The following CADPS2 variants were observed in gnomAD, a reference collection of about 807,000 sequenced individuals.
The protein encoded by CADPS2 is calcium-dependent secretion activator 2.
CADPS2 carries 93 observed loss-of-function variants against 172.5 expected under a neutral mutation model. The ratio of observed to expected loss-of-function variants is 0.54; its 90% CI spans 0.46 to 0.64. The LOEUF (loss-of-function observed/expected upper bound fraction) is 0.64, where lower values mean the gene tolerates loss of function less well. CADPS2 is among the 30% of genes least tolerant of loss of function. CADPS2 has a pLI of 0.00. For missense variants in CADPS2, 1,420 were observed against 1,565.9 expected (o/e 0.91, Z 1.57); for synonymous variants, 546 against 555.2 (o/e 0.98, Z 0.23).
In CADPS2 at chr7:122,441,595, A is replaced by T; in HGVS notation, c.2289-20T>A. Reference sequence around the variant, plus strand: ...CAGTATCTTTAAAAACAAAAGAAAGAACAAAAGAGTCAAACATTTAATACC... The same window carrying T: ...CAGTATCTTTAAAAACAAAAGAAAGTACAAAAGAGTCAAACATTTAATACC... On this transcript the variant is annotated intron_variant, in intron 15 of 29. Coordinates refer to ENST00000449022, the MANE Select transcript of CADPS2 (RefSeq NM_017954.11). 1 of 1,490,060 alleles carries T rather than the reference A, an allele frequency of 6.7e-7. No individual in the cohort carries two copies. Among genetic ancestry groups the T allele is most frequent in the South Asian group, 1.3e-5 (1 of 77,376 alleles). The allele number at this position is 1,490,060 out of a possible 1,614,324, so 92.3% of individuals were successfully genotyped here.
intron 1 of CADPS2, chr7:122,850,263 G>T: frequency 1.1e-6 from 1 of 912,944 alleles, no homozygotes; most frequent in Non-Finnish European, 1.5e-6. Flanking sequence ...GCTCCACTGG[G>T]GGCCCCAGGA....
At chr7:122,569,233 A>T (rs554188189) in intron 7 of CADPS2, among the ~76,000 whole-genome samples, 3 of 152,306 alleles carry the variant, frequency 2.0e-5, no homozygotes, top group Non-Finnish European at 4.4e-5. Context: ...CTTATACACC[A>T]ATAACAGACA....
At chr7:122,777,651 C>G (rs115177945) in intron 1 of CADPS2, among the ~76,000 whole-genome samples, 1 of 152,020 alleles carries the variant, frequency 6.6e-6, no homozygotes, top group Non-Finnish European at 1.5e-5. Flanking sequence ...TGATAGTGAG[C>G]GAGTTCTCAT....
chr7:122,762,833 C>A (rs1205109903), intron 1 of CADPS2, among the ~76,000 whole-genome samples: 1 of 152,108 alleles, frequency 6.6e-6, no homozygotes, highest in East Asian at 1.9e-4. Flanking sequence ...TGATACACTT[C>A]ATCACCCTAC....
intron 18 of CADPS2, among the ~76,000 whole-genome samples, chr7:122,414,738 C>T (rs79769016): frequency 0.027 from 4,133 of 152,234 alleles, 177 homozygotes; most frequent in African/African-American, 0.094. Flanking sequence ...TAACCAGATA[C>T]AATAAATCTT....
chr7:122,489,037 A>G (rs1177718434), intron 11 of CADPS2, among the ~76,000 whole-genome samples: 5 of 152,200 alleles, frequency 3.3e-5, no homozygotes, highest in Non-Finnish European at 7.4e-5. Context: ...CAATGCTACT[A>G]ATTTTAAAGA....
chr7:122,834,132 C>T (rs905596366), intron 1 of CADPS2, among the ~76,000 whole-genome samples: 1 of 152,138 alleles, frequency 6.6e-6, no homozygotes, highest in East Asian at 1.9e-4. Flanking sequence ...ACAAGCAAGA[C>T]AGACCTGGAA....
At chr7:122,695,468 T>C (rs536175785) in intron 2 of CADPS2, among the ~76,000 whole-genome samples, 22 of 152,342 alleles carry the variant, frequency 1.4e-4, no homozygotes, top group African/African-American at 5.3e-4. Flanking sequence ...AAGTTCTATT[T>C]AGTAAACCCA....
chr7:122,714,660 C>T (rs1275729554), intron 2 of CADPS2, among the ~76,000 whole-genome samples: 3 of 152,074 alleles, frequency 2.0e-5, no homozygotes, highest in Non-Finnish European at 2.9e-5. Context: ...AGGAGACTAG[C>T]ACAAGATCCA....
rs1027621552 is a variant in CADPS2, at chr7:122,474,464, A to G, written c.1915T>C (p.Cys639Arg). 2.5e-6 allele frequency: 4 copies of G among 1,613,404 alleles called. No individual in the cohort carries two copies. Among genetic ancestry groups the G allele is most frequent in the African/African-American group, 1.3e-5 (1 of 74,898 alleles). Residue 639 changes from cysteine to arginine, a missense_variant, in exon 13 of 30, where the codon TGC (cysteine) becomes CGC (arginine). Coordinates refer to ENST00000449022, the MANE Select transcript of CADPS2 (RefSeq NM_017954.11). ...GMDEFISANP[C>R]KLDHAFLFRI... ...AAAAGGAAGGCATGATCAAGCTTGC[A>G]GGGGTTTGCAGAAATAAACTCATCC... is the stretch of plus-strand genomic sequence containing the variant.
At chr7:122,713,161 G>A (rs1277848869) in intron 2 of CADPS2, among the ~76,000 whole-genome samples, 1 of 151,964 alleles carries the variant, frequency 6.6e-6, no homozygotes, top group Non-Finnish European at 1.5e-5. Flanking sequence ...CAGATCTGAT[G>A]GAGCTTTAAA....
At chr7:122,749,961 T>TAAAAAAAAAAA (rs34910927) in intron 1 of CADPS2, among the ~76,000 whole-genome samples, 1 of 133,948 alleles carries the variant, frequency 7.5e-6, no homozygotes, top group African/African-American at 2.8e-5. Flanking sequence ...CCTGTGAGGT[T>TAAAAAAAAAAA]AAAAAAAAAA....
At chr7:122,330,601 T>C (rs766192987) in intron 28 of CADPS2, 17 of 152,198 alleles carry the variant, frequency 1.1e-4, no homozygotes, top group Non-Finnish European at 1.8e-4. Context: ...GTGTGAATAT[T>C]TTCCTGGCTT....
At chr7:122,623,092 TA>T (rs1259547054) in intron 4 of CADPS2, among the ~76,000 whole-genome samples, 6 of 152,166 alleles carry the variant, frequency 3.9e-5, no homozygotes, top group Admixed American at 3.3e-4. Context: ...ATATCTACAT[TA>T]AAAATTAACT....
At chr7:122,653,780 C>T (rs2079438982) in intron 3 of CADPS2, among the ~76,000 whole-genome samples, 1 of 152,048 alleles carries the variant, frequency 6.6e-6, no homozygotes, top group South Asian at 2.1e-4. Context: ...TCTTTGATGT[C>T]ACTATTGGAA....
intron 15 of CADPS2, among the ~76,000 whole-genome samples, chr7:122,442,342 G>A (rs1180066904): frequency 6.6e-6 from 1 of 152,112 alleles, no homozygotes; most frequent in Non-Finnish European, 1.5e-5. Flanking sequence ...TCTTTTTGGA[G>A]CTCCTTGCTT....
intron 1 of CADPS2, among the ~76,000 whole-genome samples, chr7:122,772,771 A>G (rs1043911597): frequency 6.6e-6 from 1 of 152,142 alleles, no homozygotes; most frequent in African/African-American, 2.4e-5. Flanking sequence ...TCAAATCCAC[A>G]TGCACAGTTA....
At chr7:122,866,005 C>T (rs1249379762) in intron 1 of CADPS2, among the ~76,000 whole-genome samples, 2 of 152,154 alleles carry the variant, frequency 1.3e-5, no homozygotes, top group Non-Finnish European at 2.9e-5. Flanking sequence ...GAAGTATTTT[C>T]CCAAAGAATT....
chr7:122,834,489 A>T (rs1250675070), intron 1 of CADPS2, among the ~76,000 whole-genome samples: 3 of 152,070 alleles, frequency 2.0e-5, no homozygotes, highest in Admixed American at 6.5e-5. Flanking sequence ...GGGTGAGGCA[A>T]TGCCTCACCC....
Sources: gnomAD v4.1 joint callset for allele counts (sites outside exome capture counted in the v4.1 genomes callset) on GRCh38, gnomAD v4.1.1 for gene constraint, MANE v1.5 for transcripts, NCBI Gene and HGNC (gene_info 2026-07-23, HGNC 2026-07-21) for gene names.